Variants in SHISAL1 observed in about 807,000 individuals in gnomAD.
The protein encoded by SHISAL1 is protein shisa-like-1.
A neutral mutation model predicts 22.6 loss-of-function variants in SHISAL1; 9 were observed. That is an observed-to-expected ratio of 0.40 (90% CI 0.24 to 0.70). SHISAL1 has a LOEUF of 0.70. Ranked by LOEUF, SHISAL1 falls within the 30% of genes least tolerant of loss-of-function variation. The pLI is 0.39. For synonymous variants in SHISAL1, 119 were observed against 115.4 expected, an observed-to-expected ratio of 1.03 and a Z score of -0.20; for missense variants, 246 against 270.6, an observed-to-expected ratio of 0.91 and a Z score of 0.64.
At chr22:44,281,868 G>A (rs971961901) in intron 4 of SHISAL1, among the ~76,000 whole-genome samples, 9 of 152,310 alleles carry the variant, frequency 5.9e-5, no homozygotes, top group South Asian at 2.1e-4. Flanking sequence ...CACTCCTGAC[G>A]CCCCTGCTGG....
In SHISAL1 at chr22:44,247,208, G is replaced by A. The variant is rs2055008712; in HGVS notation, c.*2477C>T. 1 of 152,210 alleles carries A rather than the reference G, an allele frequency of 6.6e-6. No homozygotes were observed. The highest frequency in any genetic ancestry group is 2.1e-4 in the South Asian group (1 of 4,826). The allele number at this position is 152,210 out of a possible 1,614,324, so 9.4% of individuals were successfully genotyped here. ...TTGTCCAGGACAGCAGGACACGAGG[G>A]TTGCAAACTCCTTAAATACCCATCT... On this transcript the variant is annotated 3_prime_UTR_variant, in exon 5 of 5. Coordinates refer to ENST00000381176, the MANE Select transcript of SHISAL1 (RefSeq NM_001099294.2).
intron 3 of SHISAL1, among the ~76,000 whole-genome samples, chr22:44,293,516 C>A (rs1384654884): frequency 1.3e-5 from 2 of 152,152 alleles, no homozygotes; most frequent in Non-Finnish European, 2.9e-5. Flanking sequence ...GACCTGGCCC[C>A]AGATGTCAGT....
the SHISAL1 span, among the ~76,000 whole-genome samples, chr22:44,327,606 G>A: frequency 4.6e-5 from 7 of 152,152 alleles, no homozygotes. Context: ...AGTGACCTTG[G>A]AGTCTCCTCC....
intron 4 of SHISAL1, among the ~76,000 whole-genome samples, chr22:44,270,857 G>A (rs371980422): frequency 1.8e-4 from 27 of 152,156 alleles, no homozygotes; most frequent in Non-Finnish European, 3.2e-4. Flanking sequence ...CAGATCCTGG[G>A]ATACAACGAG....
intron 4 of SHISAL1, among the ~76,000 whole-genome samples, chr22:44,274,804 T>C (rs2055228697): frequency 6.6e-6 from 1 of 152,214 alleles, no homozygotes; most frequent in African/African-American, 2.4e-5. Context: ...GAGCGGCTTT[T>C]CTTTTCCTAT....
At chr22:44,253,944 A>G (rs2055067483) in intron 4 of SHISAL1, among the ~76,000 whole-genome samples, 4 of 152,194 alleles carry the variant, frequency 2.6e-5, no homozygotes, top group Admixed American at 2.6e-4. Flanking sequence ...AGTAAATTCC[A>G]AAAAACAGAA....
At chr22:44,303,648 T>C (rs7410266) in intron 1 of SHISAL1, among the ~76,000 whole-genome samples, 115,579 of 152,138 alleles carry the variant, frequency 0.76, 43,991 homozygotes, top group Non-Finnish European at 0.77. Flanking sequence ...TTGAAACCTC[T>C]TGGTTTGAGG....
chr22:44,299,434 C>T (rs1397449673), intron 2 of SHISAL1, among the ~76,000 whole-genome samples: 4 of 152,206 alleles, frequency 2.6e-5, no homozygotes, highest in African/African-American at 9.6e-5. Flanking sequence ...GTAAAATGGG[C>T]TGAGTGGGTC....
At chr22:44,312,963 C>T (rs1020294889), upstream of SHISAL1, 3 of 152,296 alleles carry the variant, frequency 2.0e-5, no homozygotes, top group African/African-American at 4.8e-5. Context: ...CTCCTCAGGG[C>T]GGGGAGTGGG....
At chr22:44,271,333 G>A (rs552756499) in intron 4 of SHISAL1, among the ~76,000 whole-genome samples, 2 of 152,168 alleles carry the variant, frequency 1.3e-5, no homozygotes, top group African/African-American at 2.4e-5. Flanking sequence ...CACAGGGTGT[G>A]ACAGGCTCAG....
intron 1 of SHISAL1, among the ~76,000 whole-genome samples, chr22:44,302,459 G>A (rs2055437906): frequency 6.6e-6 from 1 of 152,342 alleles, no homozygotes; most frequent in African/African-American, 2.4e-5. Context: ...AACAAGGCGT[G>A]TCTGGGGAGT....
chr22:44,331,196 G>T, the SHISAL1 span, among the ~76,000 whole-genome samples: 1 of 151,866 alleles, frequency 6.6e-6, no homozygotes, highest in South Asian at 2.1e-4. The surrounding 1 kb of genome is among the most constrained non-coding windows in gnomAD (Gnocchi z 5.2). Context: ...GCGGACCCCA[G>T]TGCCGAACAC....
chr22:44,314,947 C>T (rs1461745169), upstream of SHISAL1, among the ~76,000 whole-genome samples: 7 of 152,180 alleles, frequency 4.6e-5, no homozygotes, highest in African/African-American at 1.2e-4. Context: ...CAGCACAGTA[C>T]GCTTTCTAGA....
chr22:44,277,894 A>T (rs1433857528), intron 4 of SHISAL1, among the ~76,000 whole-genome samples: 1 of 152,190 alleles, frequency 6.6e-6, no homozygotes, highest in Non-Finnish European at 1.5e-5. Flanking sequence ...TATGTGCAGG[A>T]TGACAACACT....
At chr22:44,289,610 G>T (rs1391180038) in intron 3 of SHISAL1, among the ~76,000 whole-genome samples, 1 of 152,216 alleles carries the variant, frequency 6.6e-6, no homozygotes, top group Non-Finnish European at 1.5e-5. Flanking sequence ...TGCCTGCCGG[G>T]GGGTGTTGCC....
chr22:44,256,190 C>CCT (rs200114431), intron 4 of SHISAL1, among the ~76,000 whole-genome samples: 1 of 130,080 alleles, frequency 7.7e-6, no homozygotes, highest in African/African-American at 3.4e-5. Flanking sequence ...GGTCTCAGGA[C>CCT]TGGAACTCAC....
chr22:44,257,797 C>CA (rs1183854427), intron 4 of SHISAL1, among the ~76,000 whole-genome samples: 2 of 152,322 alleles, frequency 1.3e-5, no homozygotes, highest in East Asian at 3.9e-4. Context: ...TCTTCAGGGG[C>CA]AACCCATCAC....
Position 44,278,347 on chromosome 22 carries a change from G to A in SHISAL1, c.599+7081C>T, listed in dbSNP as rs144863846. Among the ~76,000 whole-genome samples the A allele has an allele frequency of 3.5e-3, 534 of 152,274 alleles. 4 individuals carry two copies. Among genetic ancestry groups the A allele is most frequent in the African/African-American group, 9.6e-3 (399 of 41,556 alleles). ...CAGCCTATTGTGGGACTTTGTGATCGTGTGAGTTACTACTACTTAATAAAC... is the reference window on the plus strand; with the variant it reads ...CAGCCTATTGTGGGACTTTGTGATCATGTGAGTTACTACTACTTAATAAAC... On this transcript the variant is annotated intron_variant, in intron 4 of 4. Transcript: ENST00000381176.
intron 3 of SHISAL1, among the ~76,000 whole-genome samples, chr22:44,290,152 T>C (rs1414288153): frequency 6.6e-6 from 1 of 151,812 alleles, no homozygotes; most frequent in African/African-American, 2.4e-5. Flanking sequence ...AGGAGGAGAG[T>C]TCCTGAGGCC....
Sources: allele counts gnomAD v4.1 joint callset (sites outside exome capture counted in the v4.1 genomes callset), GRCh38; gene constraint gnomAD v4.1.1; non-coding constraint Gnocchi (gnomAD v3.1); transcripts MANE v1.5; gene names NCBI Gene and HGNC (gene_info 2026-07-23, HGNC 2026-07-21).